LINGO2: variants seen among roughly 807,000 people sequenced by gnomAD.
LINGO2 encodes leucine-rich repeat and immunoglobulin-like domain-containing nogo receptor-interacting protein 2.
In LINGO2, 14 loss-of-function variants were observed where a neutral mutation model predicts 30.6. That is an observed-to-expected ratio of 0.46 (90% CI 0.30 to 0.72). The LOEUF (loss-of-function observed/expected upper bound fraction) is 0.72. LINGO2 is among the 30% of genes least tolerant of loss of function. The pLI is 0.07. For missense variants in LINGO2, 729 were observed against 751.7 expected (o/e 0.97, Z 0.35); for synonymous variants, 317 against 288.5 (o/e 1.10, Z -1.00).
At chr9:29,008,011 T>G in the LINGO2 span, among the ~76,000 whole-genome samples, 6,284 of 152,218 alleles carry the variant, frequency 0.041, 199 homozygotes, top group Admixed American at 0.082. Flanking sequence ...TGTGCCATGT[T>G]GGTGTGCTGC....
the LINGO2 span, among the ~76,000 whole-genome samples, chr9:29,072,930 C>CTG: frequency 6.6e-6 from 1 of 150,828 alleles, no homozygotes; most frequent in East Asian, 2.0e-4. Flanking sequence ...AGCGCTCTCT[C>CTG]TCTCTTTCTC....
At chr9:28,413,290 G>T (rs1309948924) in intron 2 of LINGO2, among the ~76,000 whole-genome samples, 1 of 152,008 alleles carries the variant, frequency 6.6e-6, no homozygotes, top group Non-Finnish European at 1.5e-5. Context: ...TTTTGGATAT[G>T]CTAGGGTTTA....
At chr9:28,637,407 T>C (rs1409781703) in intron 1 of LINGO2, among the ~76,000 whole-genome samples, 2 of 152,208 alleles carry the variant, frequency 1.3e-5, no homozygotes, top group Non-Finnish European at 2.9e-5. Flanking sequence ...TAAATTACCT[T>C]GGGAAGTATG....
the LINGO2 span, among the ~76,000 whole-genome samples, chr9:29,189,147 G>A: frequency 7.7e-6 from 1 of 130,188 alleles, no homozygotes; most frequent in African/African-American, 2.8e-5. Flanking sequence ...GCGGGGGGCT[G>A]ACCCCCCCAC....
intron 4 of LINGO2, among the ~76,000 whole-genome samples, chr9:28,187,019 G>C (rs1819565010): frequency 6.6e-6 from 1 of 152,112 alleles, no homozygotes. Context: ...TACAGTAGTG[G>C]GGACAGATTG....
upstream of LINGO2, among the ~76,000 whole-genome samples, chr9:28,673,413 T>A (rs1018408247): frequency 6.6e-6 from 1 of 152,132 alleles, no homozygotes; most frequent in Non-Finnish European, 1.5e-5. Flanking sequence ...ATGTCTGTAA[T>A]CCCAGCACTT....
chr9:29,210,963 A>G, the LINGO2 span, among the ~76,000 whole-genome samples: 1 of 152,198 alleles, frequency 6.6e-6, no homozygotes, highest in South Asian at 2.1e-4. Flanking sequence ...TTAAAATGTT[A>G]ACCACTGCTT....
At position 28,147,351 on chromosome 9, in the gene LINGO2, T is replaced by G. The variant is rs963870572; in HGVS notation, c.-86-134946A>C. ...TGGTCTCAGGCAAATTTGTAAAAAG[T>G]GGAGACCCTGCCTGCCAGGGAGGCA... On this transcript the variant is annotated intron_variant, in intron 4 of 5. Coordinates refer to ENST00000379992, the Ensembl canonical transcript of LINGO2. The surrounding 1 kb of genome is among the most constrained non-coding windows in gnomAD (Gnocchi z 4.7). 3.9e-5 allele frequency among the ~76,000 whole-genome samples: 6 copies of G among 152,190 alleles called. No homozygotes were observed. Among genetic ancestry groups the G allele is most frequent in the Non-Finnish European group, 8.8e-5 (6 of 68,026 alleles).
intron 1 of LINGO2, among the ~76,000 whole-genome samples, chr9:28,503,773 G>T (rs921522162): frequency 6.6e-6 from 1 of 151,876 alleles, no homozygotes; most frequent in Non-Finnish European, 1.5e-5. Context: ...CCCGAGGTAT[G>T]AGTCAGAATG....
the LINGO2 span, among the ~76,000 whole-genome samples, chr9:28,753,401 G>C: frequency 6.6e-6 from 1 of 151,952 alleles, no homozygotes; most frequent in Non-Finnish European, 1.5e-5. Flanking sequence ...CTAATATAAG[G>C]CTGCAAATTG....
the LINGO2 span, among the ~76,000 whole-genome samples, chr9:29,087,396 C>T: frequency 0.23 from 34,794 of 152,044 alleles, 4,504 homozygotes; most frequent in African/African-American, 0.35. Flanking sequence ...GCTATTGATG[C>T]TGATATTGAT....
At chr9:28,953,337 A>G in the LINGO2 span, among the ~76,000 whole-genome samples, 2 of 152,036 alleles carry the variant, frequency 1.3e-5, no homozygotes, top group African/African-American at 4.8e-5. Flanking sequence ...GGGTCTATAT[A>G]CTCTTTAAAA....
intron 2 of LINGO2, among the ~76,000 whole-genome samples, chr9:28,428,871 A>G (rs1336163001): frequency 6.6e-6 from 1 of 152,174 alleles, no homozygotes; most frequent in Non-Finnish European, 1.5e-5. Context: ...GAGAATGTAA[A>G]GTAGTATTAA....
intron 4 of LINGO2, among the ~76,000 whole-genome samples, chr9:28,143,335 T>C (rs961748462): frequency 6.6e-6 from 1 of 152,176 alleles, no homozygotes; most frequent in Non-Finnish European, 1.5e-5. Flanking sequence ...GGACTGGAAT[T>C]GGATTCCAAT....
intron 4 of LINGO2, among the ~76,000 whole-genome samples, chr9:28,189,687 G>GGGAA (rs1564029572): frequency 1.0e-4 from 10 of 98,442 alleles, no homozygotes; most frequent in African/African-American, 1.6e-4. Flanking sequence ...AAGGAAGGGA[G>GGGAA]GAAGGAAGGG....
At chr9:28,064,355 T>C (rs965336245) in intron 4 of LINGO2, among the ~76,000 whole-genome samples, 2 of 152,084 alleles carry the variant, frequency 1.3e-5, no homozygotes, top group Non-Finnish European at 2.9e-5. Flanking sequence ...TTATAGCAGG[T>C]TGGATTTCCA....
At chr9:28,790,325 C>CTTTTTTTTTTTTTTTTTTTTTTTTTT in the LINGO2 span, among the ~76,000 whole-genome samples, 39 of 106,272 alleles carry the variant, frequency 3.7e-4, 1 homozygote, top group African/African-American at 5.8e-4. Context: ...TCTTTTCTTT[C>CTTTTTTTTTTTTTTTTTTTTTTTTTT]TTTTTTTTTT....
chr9:27,954,828 T>A (rs1272730105), intron 5 of LINGO2, among the ~76,000 whole-genome samples: 2 of 152,210 alleles, frequency 1.3e-5, no homozygotes, highest in Non-Finnish European at 2.9e-5. Context: ...ATTTTCATAC[T>A]GTTTACCATA....
chr9:27,968,866 A>G (rs900206969), intron 5 of LINGO2, among the ~76,000 whole-genome samples: 16 of 151,590 alleles, frequency 1.1e-4, no homozygotes, highest in Non-Finnish European at 1.6e-4. Flanking sequence ...TTTATAATAT[A>G]TAATTGTATA....
Sources: gnomAD v4.1 joint callset for allele counts (sites outside exome capture counted in the v4.1 genomes callset) on GRCh38, gnomAD v4.1.1 for gene constraint, Gnocchi (gnomAD v3.1) non-coding constraint, MANE v1.5 for transcripts, NCBI Gene and HGNC (gene_info 2026-07-23, HGNC 2026-07-21) for gene names.